KIAA1549L: variants seen among roughly 807,000 people sequenced by gnomAD.
KIAA1549L encodes UPF0606 protein KIAA1549L.
In KIAA1549L, 88 loss-of-function variants were observed where a neutral mutation model predicts 160.7. That is an observed-to-expected ratio of 0.55 (90% confidence interval 0.46 to 0.65). The LOEUF is 0.65. Ranked by LOEUF, KIAA1549L falls within the 30% of genes least tolerant of loss-of-function variation. The probability of loss-of-function intolerance (pLI) is 0.00; values close to 1 mark genes in which losing one functional copy is unlikely to be tolerated. For missense variants in KIAA1549L, 2,258 were observed against 2,437.5 expected (o/e 0.93, Z 1.55); for synonymous variants, 950 against 976.7 (o/e 0.97, Z 0.51).
At chr11:33,499,232 A>G (rs1044351978) in intron 1 of KIAA1549L, among the ~76,000 whole-genome samples, 2 of 152,236 alleles carry the variant, frequency 1.3e-5, no homozygotes, top group African/African-American at 4.8e-5. Context: ...TCAGTTACTT[A>G]TCAAGTAAAT....
At chr11:33,507,611 A>G (rs147349768) in intron 1 of KIAA1549L, among the ~76,000 whole-genome samples, 5 of 152,178 alleles carry the variant, frequency 3.3e-5, no homozygotes, top group Non-Finnish European at 4.4e-5. Context: ...GACCCCTGGC[A>G]GTAGCTTGCC....
chr11:33,430,041 T>TCCTTCCTCCCTTCCTTCCTCCCTTCCTC (rs1200093248), intron 1 of KIAA1549L, among the ~76,000 whole-genome samples: 6,503 of 140,250 alleles, frequency 0.046, 247 homozygotes, highest in Non-Finnish European at 0.064. Context: ...CTTCCTTCCT[T>TCCTTCCTCCCTTCCTTCCTCCCTTCCTC]CCTTCCTCCC....
rs183288692 is a variant in KIAA1549L at position 33,640,674 on chromosome 11, C to A, written c.5410-5012C>A. On this transcript the variant is annotated intron_variant, in intron 16 of 20. Coordinates refer to ENST00000658780, the MANE Select transcript of KIAA1549L (RefSeq NM_012194.3). ...GATGTGCACGACGTAAAAATGTTAA[C>A]GGTAGTTATTTCTGGCGATCAGATT... Among the ~76,000 whole-genome samples the A allele has an allele frequency of 1.4e-4, 22 of 152,278 alleles. No homozygotes were observed. The East Asian group carries it at 3.5e-3, about 24-fold the overall frequency.
intron 1 of KIAA1549L, among the ~76,000 whole-genome samples, chr11:33,422,079 T>C (rs1374196786): frequency 6.6e-6 from 1 of 152,030 alleles, no homozygotes; most frequent in Non-Finnish European, 1.5e-5. Flanking sequence ...GAAGTCCATG[T>C]CCTATAGCCA....
At chr11:33,623,926 C>T (rs534211235) in intron 16 of KIAA1549L, among the ~76,000 whole-genome samples, 276 of 152,302 alleles carry the variant, frequency 1.8e-3, no homozygotes, top group Non-Finnish European at 3.2e-3. Flanking sequence ...TGGACCCTGT[C>T]TGCTCTTATT....
chr11:33,434,759 A>G (rs1851321566), intron 1 of KIAA1549L, among the ~76,000 whole-genome samples: 1 of 152,240 alleles, frequency 6.6e-6, no homozygotes. Context: ...AGGAGGGGCC[A>G]AATGTAGCAA....
intron 17 of KIAA1549L, among the ~76,000 whole-genome samples, chr11:33,648,930 C>T (rs536854409): frequency 6.6e-6 from 1 of 152,326 alleles, no homozygotes; most frequent in African/African-American, 2.4e-5. Context: ...CCATTGTCTA[C>T]TGGACACAGC....
At chr11:33,381,834 A>G (rs774926239) in intron 1 of KIAA1549L, among the ~76,000 whole-genome samples, 73 of 152,334 alleles carry the variant, frequency 4.8e-4, no homozygotes, top group Middle Eastern at 6.8e-3. Context: ...TAGTAGAATT[A>G]TCTGGTGGAT....
intron 1 of KIAA1549L, among the ~76,000 whole-genome samples, chr11:33,510,591 G>C (rs1032674420): frequency 7.2e-5 from 11 of 152,238 alleles, no homozygotes. Flanking sequence ...TCTCCAGAAA[G>C]CCCATGTCCT....
chr11:33,433,802 G>C (rs1306028804), intron 1 of KIAA1549L, among the ~76,000 whole-genome samples: 1 of 152,142 alleles, frequency 6.6e-6, no homozygotes, highest in Non-Finnish European at 1.5e-5. Context: ...CTTAGATGAA[G>C]CTGGAAGCCA....
intron 9 of KIAA1549L, 121 bp from the exon 10 acceptor site, chr11:33,574,581 G>T (rs1048514679): frequency 4.3e-5 from 36 of 843,724 alleles, no homozygotes; most frequent in Admixed American, 2.8e-5. Flanking sequence ...GGTATGTGAA[G>T]GTTGGCGTCT....
In KIAA1549L at chr11:33,639,729, G is replaced by A. The variant is rs145511847; in HGVS notation, c.5410-5957G>A. ...TAATTTTTCTATTTTTAGTAGAGGC[G>A]GCATTTCACCATGTTGCCCAGGCTG... On this transcript the variant is annotated intron_variant, in intron 16 of 20. Transcript: ENST00000658780. Among the ~76,000 whole-genome samples the A allele has an allele frequency of 9.3e-4, 141 of 152,148 alleles. 1 individual carries two copies. Among genetic ancestry groups the A allele is most frequent in the African/African-American group, 3.2e-3 (133 of 41,508 alleles).
chr11:33,543,576 A>C lies in KIAA1549L; in HGVS notation c.2013A>C (p.Ala671=). The C allele has an allele frequency of 6.2e-7, 1 of 1,614,034 alleles. No homozygotes were observed. ...CTTCAGCTTCCAAACAGGTGAGAGC[A>C]TCGCCCTCCTCCATGGATGTATATG... is the stretch of plus-strand genomic sequence containing the variant. ...LPASASKQVR[A]SPSSMDVYDS... is the part of the protein sequence containing the mutation. The change falls in exon 2 of 21, where the codon GCA becomes GCC. Residue 671 remains alanine (A), a synonymous_variant. Coordinates refer to ENST00000658780, the MANE Select transcript of KIAA1549L (RefSeq NM_012194.3).
At chr11:33,444,673 A>G (rs902882407) in intron 1 of KIAA1549L, among the ~76,000 whole-genome samples, 1 of 152,268 alleles carries the variant, frequency 6.6e-6, no homozygotes, top group African/African-American at 2.4e-5. Flanking sequence ...GAAAGCATAT[A>G]AAGAATATGT....
chr11:33,475,149 C>T (rs1852256878), intron 1 of KIAA1549L, among the ~76,000 whole-genome samples: 1 of 152,122 alleles, frequency 6.6e-6, no homozygotes, highest in African/African-American at 2.4e-5. Flanking sequence ...CTGTATATGC[C>T]CCTAACACCC....
chr11:33,632,271 C>G (rs1001608125), intron 16 of KIAA1549L, among the ~76,000 whole-genome samples: 3 of 152,224 alleles, frequency 2.0e-5, no homozygotes, highest in Non-Finnish European at 4.4e-5. Flanking sequence ...AATCCCAGGC[C>G]TCATATCTAC....
rs968807488 is a variant in KIAA1549L at position 33,542,605 on chromosome 11, A to T, written c.1042A>T (p.Met348Leu). The T allele has an allele frequency of 6.2e-7, 1 of 1,613,904 alleles. No individual in the cohort carries two copies. Among genetic ancestry groups the T allele is most frequent in the Non-Finnish European group, 8.5e-7 (1 of 1,179,844 alleles). The change falls in exon 2 of 21, where the codon ATG (methionine) becomes TTG (leucine). Residue 348 changes from methionine to leucine, a missense_variant. Around this residue, in one of 6 missense-constraint regions of KIAA1549L, gnomAD observed 540 missense variants for 465.7 expected, o/e 1.16. Coordinates refer to ENST00000658780, the MANE Select transcript of KIAA1549L (RefSeq NM_012194.3). ...ATCCACACCTGGGTTTTTGAGCCCC[A>T]TGGCAGAACTGTCCCATCCGTCTCC... ...GSSTPGFLSP[M>L]AELSHPSPPP...
chr11:33,431,266 A>G (rs1312675788), intron 1 of KIAA1549L, among the ~76,000 whole-genome samples: 1 of 152,156 alleles, frequency 6.6e-6, no homozygotes, highest in East Asian at 1.9e-4. Context: ...AAGCTTCCAC[A>G]GTGTGGAAGG....
At chr11:33,408,219 C>T (rs1850707555) in intron 1 of KIAA1549L, among the ~76,000 whole-genome samples, 1 of 152,026 alleles carries the variant, frequency 6.6e-6, no homozygotes, top group South Asian at 2.1e-4. Flanking sequence ...TAAAACTGAG[C>T]TAATACATTC....
Sources: gnomAD v4.1 joint callset for allele counts (sites outside exome capture counted in the v4.1 genomes callset) on GRCh38, gnomAD v4.1.1 for gene constraint, gnomAD v4.1.1 regional missense constraint, MANE v1.5 for transcripts, NCBI Gene and HGNC (gene_info 2026-07-23, HGNC 2026-07-21) for gene names.